The following DLG2 variants were observed in gnomAD, a reference collection of about 807,000 sequenced individuals.
DLG2 encodes discs large MAGUK scaffold protein 2, also known as disks large homolog 2.
A neutral mutation model predicts 132.5 loss-of-function variants in DLG2; 45 were observed. That is an observed-to-expected ratio of 0.34 (90% CI 0.27 to 0.44). The LOEUF (loss-of-function observed/expected upper bound fraction) is 0.44. DLG2 is among the 20% of genes least tolerant of loss of function. The pLI, the probability that DLG2 is intolerant of heterozygous loss-of-function variation, is 1.00. For missense variants in DLG2, 1,045 were observed against 1,196.9 expected (o/e 0.87, Z 1.87); for synonymous variants, 424 against 419.6 (o/e 1.01, Z -0.13).
intron 6 of DLG2, among the ~76,000 whole-genome samples, chr11:84,790,946 T>C (rs1469138065): frequency 6.6e-6 from 1 of 152,190 alleles, no homozygotes; most frequent in Non-Finnish European, 1.5e-5. Context: ...TTGGTCTATG[T>C]ATTAGTCTGT....
chr11:85,479,931 T>A (rs187968475), intron 3 of DLG2, among the ~76,000 whole-genome samples: 1 of 152,310 alleles, frequency 6.6e-6, no homozygotes, highest in East Asian at 1.9e-4. Flanking sequence ...TACTGGATTG[T>A]GGCCCACCCT....
chr11:85,543,735 C>T (rs753861814), intron 3 of DLG2, among the ~76,000 whole-genome samples: 1 of 152,146 alleles, frequency 6.6e-6, no homozygotes, highest in Admixed American at 6.5e-5. Flanking sequence ...CTCTAATGAC[C>T]AGTGATGATG....
At chr11:85,245,829 T>C (rs2076108583) in intron 4 of DLG2, among the ~76,000 whole-genome samples, 1 of 152,002 alleles carries the variant, frequency 6.6e-6, no homozygotes, top group Non-Finnish European at 1.5e-5. Context: ...ATGTCCTCCC[T>C]GCTTTTCCTA....
intron 8 of DLG2, among the ~76,000 whole-genome samples, chr11:84,237,794 T>C (rs1223809464): frequency 6.6e-6 from 1 of 151,652 alleles, no homozygotes; most frequent in African/African-American, 2.4e-5. Flanking sequence ...TCCCAGCACT[T>C]TGGGAGGCTG....
At chr11:83,675,773 T>C (rs2077573390) in intron 18 of DLG2, among the ~76,000 whole-genome samples, 1 of 152,174 alleles carries the variant, frequency 6.6e-6, no homozygotes, top group African/African-American at 2.4e-5. Flanking sequence ...AGGCAACGAG[T>C]TGAACAATTA....
intron 15 of DLG2, among the ~76,000 whole-genome samples, chr11:83,911,851 G>GT (rs200119041): frequency 3.5e-4 from 53 of 150,884 alleles, no homozygotes; most frequent in East Asian, 3.1e-3. Context: ...AAAGCAAAAG[G>GT]TTTTTTTTTG....
At chr11:85,080,997 G>T (rs349059) in intron 6 of DLG2, among the ~76,000 whole-genome samples, 21,610 of 152,108 alleles carry the variant, frequency 0.14, 1,734 homozygotes, top group South Asian at 0.29. Flanking sequence ...ATTTGATAAA[G>T]AAGTTATGTG....
chr11:84,579,598 G>A lies in DLG2; in HGVS notation c.358-44867C>T, dbSNP rs552806875. Among the ~76,000 whole-genome samples, 271 of 152,252 alleles carry A rather than the reference G, an allele frequency of 1.8e-3. 3 individuals are homozygous for A. The highest frequency in any genetic ancestry group is 6.4e-3 in the African/African-American group (265 of 41,554). ...TGTTAAGTATATGTTGCTATAATAT[G>A]GTAAGAATATGGGGAGGTTGGCAAG... On this transcript the variant is annotated intron_variant, in intron 6 of 27. Coordinates refer to ENST00000376104, the MANE Select transcript of DLG2 (RefSeq NM_001142699.3).
At position 83,697,511 on chromosome 11, in the gene DLG2, T is replaced by C. The variant is rs544646942; in HGVS notation, c.1826-64186A>G. Among the ~76,000 whole-genome samples the C allele has an allele frequency of 9.1e-4, 139 of 152,294 alleles. 1 individual carries two copies. Among genetic ancestry groups the C allele is most frequent in the South Asian group, 8.9e-3 (43 of 4,822 alleles). The stretch of plus-strand genomic sequence containing the variant: ...GCATTTGGTTGACCACACTTAGTTC[T>C]TTAAGCCAGAGTAAGTTCAGTTTTT... On this transcript the variant is annotated intron_variant, in intron 18 of 27. Transcript: ENST00000376104.
chr11:83,682,256 G>A, intron 18 of DLG2: 2 of 985,330 alleles, frequency 2.0e-6, no homozygotes, highest in Non-Finnish European at 2.4e-6. Context: ...CTGCTGTCCG[G>A]TTCACACTTG....
At chr11:84,704,105 T>C (rs1269819499) in intron 6 of DLG2, among the ~76,000 whole-genome samples, 1 of 151,220 alleles carries the variant, frequency 6.6e-6, no homozygotes, top group Non-Finnish European at 1.5e-5. Context: ...ATGCCACTAG[T>C]CTTTTCATTT....
At chr11:85,566,872 T>G (rs552920594) in intron 3 of DLG2, among the ~76,000 whole-genome samples, 4 of 152,276 alleles carry the variant, frequency 2.6e-5, no homozygotes, top group African/African-American at 9.6e-5. Context: ...GGGACCCAAA[T>G]TCATTATTTT....
intron 3 of DLG2, among the ~76,000 whole-genome samples, chr11:85,384,381 GA>G (rs535653006): frequency 2.0e-5 from 3 of 150,112 alleles, no homozygotes; most frequent in Admixed American, 6.6e-5. Context: ...AGGGATATTT[GA>G]AAAAAAAACT....
chr11:85,331,748 G>T (rs867124549), intron 3 of DLG2, among the ~76,000 whole-genome samples: 1 of 152,072 alleles, frequency 6.6e-6, no homozygotes. Flanking sequence ...TGTTAATTTG[G>T]TTAGGATAAT....
At chr11:83,642,144 TATC>T (rs1431314964) in intron 18 of DLG2, among the ~76,000 whole-genome samples, 1 of 152,184 alleles carries the variant, frequency 6.6e-6, no homozygotes, top group African/African-American at 2.4e-5. Flanking sequence ...GCAAGGATGT[TATC>T]ATGTTTTCTT....
chr11:84,983,150 T>C (rs1037969839), intron 6 of DLG2, among the ~76,000 whole-genome samples: 18 of 152,106 alleles, frequency 1.2e-4, no homozygotes, highest in Admixed American at 3.3e-4. Flanking sequence ...GAGGCTTGCA[T>C]TGTGAACTTT....
chr11:83,839,881 C>G (rs866137649), intron 16 of DLG2, among the ~76,000 whole-genome samples: 5 of 152,246 alleles, frequency 3.3e-5, no homozygotes, highest in Admixed American at 1.3e-4. Flanking sequence ...CTACTCCAAC[C>G]CCTTCATCCC....
At chr11:83,885,326 C>T (rs1271998574) in intron 15 of DLG2, among the ~76,000 whole-genome samples, 1 of 152,060 alleles carries the variant, frequency 6.6e-6, no homozygotes, top group Non-Finnish European at 1.5e-5. Flanking sequence ...CCAATGTGAT[C>T]AACTGGAAGA....
chr11:83,470,451 A>G (rs1291624306), intron 24 of DLG2, among the ~76,000 whole-genome samples: 2 of 152,198 alleles, frequency 1.3e-5, no homozygotes, highest in Middle Eastern at 3.2e-3. Flanking sequence ...TGTACAATGA[A>G]CATCTATTGA....
Sources: allele counts gnomAD v4.1 joint callset (sites outside exome capture counted in the v4.1 genomes callset), GRCh38; gene constraint gnomAD v4.1.1; transcripts MANE v1.5; gene names NCBI Gene and HGNC (gene_info 2026-07-23, HGNC 2026-07-21).